Variants in PDLIM7 observed in about 807,000 individuals in gnomAD.
PDLIM7 encodes PDZ and LIM domain protein 7.
Under a neutral mutation model 53.9 loss-of-function variants are expected in PDLIM7, and 37 were observed. The ratio of observed to expected loss-of-function variants is 0.69; its 90% CI spans 0.53 to 0.90. The LOEUF (loss-of-function observed/expected upper bound fraction) is 0.90. Ranked by LOEUF, PDLIM7 falls within the 40% of genes least tolerant of loss-of-function variation. The pLI, the probability that PDLIM7 is intolerant of heterozygous loss-of-function variation, is 0.00. For synonymous variants in PDLIM7, 300 were observed against 261.3 expected, an observed-to-expected ratio of 1.15 and a Z score of -1.43; for missense variants, 617 against 638.5, an observed-to-expected ratio of 0.97 and a Z score of 0.36.
At chr5:177,492,771 ACTTCCAGAACCCAGAGAGCT>A in intron 2 of PDLIM7, 94 bp from the exon 3 acceptor site, 2 of 1,360,356 alleles carry the variant, frequency 1.5e-6, no homozygotes, top group Admixed American at 3.7e-5. Context: ...AAGCTGTCCC[ACTTCCAGAACCCAGAGAGCT>A]CTTCATTCAA....
At chr5:177,484,293 G>T in intron 10 of PDLIM7, 103 bp from the exon 11 acceptor site, 4 of 1,416,268 alleles carry the variant, frequency 2.8e-6, no homozygotes, top group African/African-American at 1.4e-5. Context: ...TCCTTCTCGC[G>T]GTAAACACTA....
rs1158388266 is a variant in PDLIM7 at position 177,491,739 on chromosome 5, G to A, written c.398+68C>T. 4 of 780,134 alleles carry A rather than the reference G, an allele frequency of 5.1e-6. No individual in the cohort carries two copies. In the East Asian group the frequency reaches 1.0e-4, roughly 20 times the overall value. The allele number at this position is 780,134 out of a possible 1,614,324, so 48.3% of individuals were successfully genotyped here. ...GGGGCGCAGCACAGACTGAGCAGCA[G>A]CGGGCAGCGGGCGTGGGGCCACAGT... On this transcript the variant is annotated intron_variant, in intron 5 of 12. Transcript: ENST00000355841.
intron 2 of PDLIM7, among the ~76,000 whole-genome samples, chr5:177,495,327 C>G (rs1192495670): frequency 6.6e-6 from 1 of 152,190 alleles, no homozygotes; most frequent in Non-Finnish European, 1.5e-5. Context: ...GCTTGAGCCC[C>G]TCCTCAGGCC....
chr5:177,489,883 C>T, intron 7 of PDLIM7, 51 bp from the exon 8 acceptor site: 1 of 1,548,522 alleles, frequency 6.5e-7, no homozygotes, highest in East Asian at 2.4e-5. Context: ...CCTGACATGG[C>T]CCCACCCCCC....
At chr5:177,490,426 T>TA in intron 7 of PDLIM7, 1 of 1,521,346 alleles carries the variant, frequency 6.6e-7, no homozygotes, top group Non-Finnish European at 8.8e-7. Flanking sequence ...CTGGAGGCAC[T>TA]AAGGGGGTGC....
intron 10 of PDLIM7, among the ~76,000 whole-genome samples, chr5:177,487,744 A>G (rs997465246): frequency 1.3e-5 from 2 of 152,210 alleles, no homozygotes; most frequent in African/African-American, 4.8e-5. Flanking sequence ...CATGAGACAG[A>G]GCAGCTTCAG....
At chr5:177,491,229 T>G in intron 5 of PDLIM7, 83 bp from the exon 6 acceptor site, 1 of 1,502,124 alleles carries the variant, frequency 6.7e-7, no homozygotes, top group Non-Finnish European at 9.1e-7. Flanking sequence ...GCATGTGGGT[T>G]TGGGTTACAG....
intron 9 of PDLIM7, 44 bp downstream of exon 9, chr5:177,489,349 T>G: frequency 7.1e-7 from 1 of 1,418,170 alleles, no homozygotes; most frequent in Non-Finnish European, 9.6e-7. Context: ...GGGGCTGGGC[T>G]GCAGGATGGG....
rs372400841 is a variant in PDLIM7, at chr5:177,489,614, G to T, written c.648C>A (p.Pro216=). Residue 216 remains proline (P), a synonymous_variant, in exon 9 of 13, where the codon CCC becomes CCA. Transcript: ENST00000355841. Reference sequence around the variant, plus strand: ...CCCAGGGCGGGCGGCTGGTAGGGCTGGGGGCGGTAGGGCCTGCCGGGGAAA... The same window carrying T: ...CCCAGGGCGGGCGGCTGGTAGGGCTTGGGGCGGTAGGGCCTGCCGGGGAAA... ...PQEPWPGPTA[P]SPTSRPPWAV... 1.9e-6 allele frequency: 3 copies of T among 1,597,248 alleles called. No individual in the cohort carries two copies. Among genetic ancestry groups the T allele is most frequent in the African/African-American group, 2.7e-5 (2 of 74,798 alleles).
intron 12 of PDLIM7, 22 bp from the exon 13 acceptor site, chr5:177,483,752 T>C (rs1407752573): frequency 6.2e-7 from 1 of 1,600,622 alleles, no homozygotes; most frequent in African/African-American, 1.3e-5. Context: ...AAAGGCCCAG[T>C]CACATGGGGT....
intron 9 of PDLIM7, among the ~76,000 whole-genome samples, chr5:177,489,151 C>T (rs1758610485): frequency 6.6e-6 from 1 of 152,216 alleles, no homozygotes; most frequent in Non-Finnish European, 1.5e-5. Context: ...CAGCTTCAGC[C>T]TATGGTTGGC....
chr5:177,490,923 AG>A lies in PDLIM7; in HGVS notation c.536-18del, dbSNP rs531310538. On this transcript the variant is annotated intron_variant, in intron 6 of 12. Coordinates refer to ENST00000355841, the MANE Select transcript of PDLIM7 (RefSeq NM_005451.5). ...GGTCTTGCACTGAGAGGGCAGAGGC[AG>A]GCATTGACCAAAAAAGACACAGGGT... The A allele has an allele frequency of 2.1e-4, 335 of 1,614,112 alleles. 2 individuals carry two copies. In the East Asian group the frequency reaches 7.3e-3, roughly 35 times the overall value.
rs752761971 is a variant in PDLIM7 at position 177,488,126 on chromosome 5, G to A, written c.992C>T (p.Pro331Leu). 4 of 1,613,228 alleles carry A rather than the reference G, an allele frequency of 2.5e-6. No homozygotes were observed. In the East Asian group the frequency reaches 8.9e-5, roughly 36 times the overall value. Reference protein sequence around the residue: ...FEEKGAIFCPPCYDVRYAPSC... With the variant: ...FEEKGAIFCPLCYDVRYAPSC... ...GGGTGCATAGCGCACGTCATAGCAT[G>A]GTGGGCAGAAGATGGCGCCCTTCTC... Residue 331 changes from proline (P) to leucine (L), a missense_variant, in exon 10 of 13, where the codon CCA becomes CTA. Physicochemically the swap from Pro to Leu is moderately conservative, Grantham distance 98 (BLOSUM62 -3). Transcript: ENST00000355841.
chr5:177,487,092 C>T (rs977261331), intron 10 of PDLIM7, among the ~76,000 whole-genome samples: 1 of 151,726 alleles, frequency 6.6e-6, no homozygotes, highest in African/African-American at 2.4e-5. Flanking sequence ...GCCAGCACAC[C>T]CAGCTAATTT....
At chr5:177,483,780 GC>G in intron 12 of PDLIM7, 50 bp from the exon 13 acceptor site, 2 of 1,578,808 alleles carry the variant, frequency 1.3e-6, no homozygotes, top group South Asian at 2.2e-5. Flanking sequence ...AGCAGGAGAG[GC>G]CCCTTCCCAA....
chr5:177,489,350 G>T, intron 9 of PDLIM7, 43 bp downstream of exon 9: 1 of 1,418,714 alleles, frequency 7.0e-7, no homozygotes, highest in Non-Finnish European at 9.6e-7. Flanking sequence ...GGGCTGGGCT[G>T]CAGGATGGGA....
chr5:177,491,922 A>G lies in PDLIM7; in HGVS notation c.283T>C (p.Ser95Pro). ...QPVQSKPQKA[S>P]APAADPPRYT... Reference sequence around the variant, plus strand: ...CGCGGAGGGTCCGCGGCGGGGGCGGAGGCCTGGGCAGAGACACAGCCGGGC... The same window carrying G: ...CGCGGAGGGTCCGCGGCGGGGGCGGGGGCCTGGGCAGAGACACAGCCGGGC... Residue 95 changes from serine (S) to proline (P), a missense_variant, in exon 5 of 13, where the codon TCC becomes CCC. Transcript: ENST00000355841. 1 of 649,410 alleles carries G rather than the reference A, an allele frequency of 1.5e-6. No homozygotes were observed. Among genetic ancestry groups the G allele is most frequent in the Non-Finnish European group, 1.9e-6 (1 of 536,120 alleles). 40.2% of individuals were successfully genotyped at this position (649,410 alleles called of 1,614,324 possible).
chr5:177,489,781 C>A lies in PDLIM7; in HGVS notation c.624G>T (p.Glu208Asp), dbSNP rs1170992861. ...CCCACTCCCTCTCACCAGGCCAGGG[C>A]TCCTGGGGTGTAGATGAGGCTGGGG... ...APAPASSTPQ[E>D]PWPGPTAPSP... Residue 208 changes from glutamate (E) to aspartate (D), a missense_variant, in exon 8 of 13, where the codon GAG becomes GAT. By Grantham distance (45) the Glu-to-Asp change is conservative. Coordinates refer to ENST00000355841, the MANE Select transcript of PDLIM7 (RefSeq NM_005451.5). 1.3e-6 allele frequency: 2 copies of A among 1,569,618 alleles called. No individual in the cohort carries two copies. Among genetic ancestry groups the A allele is most frequent in the Admixed American group, 3.6e-5 (2 of 54,826 alleles).
intron 7 of PDLIM7, chr5:177,490,155 G>C: frequency 6.8e-7 from 1 of 1,472,290 alleles, no homozygotes; most frequent in Non-Finnish European, 9.1e-7. Context: ...TGAAAACGAG[G>C]ACGGCAGGGC....
Sources: gnomAD v4.1 joint callset for allele counts (sites outside exome capture counted in the v4.1 genomes callset) on GRCh38, gnomAD v4.1.1 for gene constraint, MANE v1.5 for transcripts, NCBI Gene and HGNC (gene_info 2026-07-23, HGNC 2026-07-21) for gene names.